PRDM16: variants seen among roughly 807,000 people sequenced by gnomAD.
The protein encoded by PRDM16 is histone-lysine N-methyltransferase PRDM16.
Under a neutral mutation model 110.6 loss-of-function variants are expected in PRDM16, and 23 were observed. The observed-to-expected ratio is 0.21, with a 90% confidence interval of 0.15 to 0.29. The LOEUF (loss-of-function observed/expected upper bound fraction) is 0.29, where lower values mean the gene tolerates loss of function less well. PRDM16 is among the 10% of genes least tolerant of loss of function. The pLI is 1.00. For synonymous variants in PRDM16, 799 were observed against 781.8 expected (o/e 1.02, Z -0.37); for missense variants, 1,615 against 1,794.3 (o/e 0.90, Z 1.81).
intron 1 of PRDM16, among the ~76,000 whole-genome samples, chr1:3,142,430 G>A (rs1643567710): frequency 6.6e-6 from 1 of 152,196 alleles, no homozygotes; most frequent in South Asian, 2.1e-4. Flanking sequence ...CCGACAGTGT[G>A]GTCCTCAGCT....
chr1:3,360,984 T>C (rs1337849996), intron 3 of PRDM16, among the ~76,000 whole-genome samples: 1 of 152,072 alleles, frequency 6.6e-6, no homozygotes, highest in East Asian at 1.9e-4. Context: ...TGCACTCTCG[T>C]TTTCTCGGCG....
chr1:3,181,964 CTTACACATGCA>C (rs1234962261), intron 1 of PRDM16, among the ~76,000 whole-genome samples: 1 of 151,988 alleles, frequency 6.6e-6, no homozygotes, highest in African/African-American at 2.4e-5. Context: ...TTACACATGC[CTTACACATGCA>C]GTCACATGCT....
chr1:3,251,488 CG>C (rs1639931599), intron 3 of PRDM16, among the ~76,000 whole-genome samples: 1 of 152,148 alleles, frequency 6.6e-6, no homozygotes. Flanking sequence ...GGGAACCCAG[CG>C]ACCAGGGTAG....
At chr1:3,314,588 C>A (rs1641553843) in intron 3 of PRDM16, among the ~76,000 whole-genome samples, 1 of 151,996 alleles carries the variant, frequency 6.6e-6, no homozygotes, top group Admixed American at 6.5e-5. Context: ...TCTCCTCTCT[C>A]TCCCCCCCTC....
At chr1:3,087,174 C>A (rs1557436139) in intron 1 of PRDM16, among the ~76,000 whole-genome samples, 1 of 149,032 alleles carries the variant, frequency 6.7e-6, no homozygotes, top group Non-Finnish European at 1.5e-5. Flanking sequence ...CTGGTCAGCC[C>A]CACCCGAGAC....
At chr1:3,126,474 C>G (rs1226777247) in intron 1 of PRDM16, among the ~76,000 whole-genome samples, 1 of 152,206 alleles carries the variant, frequency 6.6e-6, no homozygotes, top group South Asian at 2.1e-4. Flanking sequence ...TCCAGACAGC[C>G]CTCAACGAGG....
At chr1:3,177,626 G>A (rs1380264179) in intron 1 of PRDM16, among the ~76,000 whole-genome samples, 1 of 152,200 alleles carries the variant, frequency 6.6e-6, no homozygotes, top group Non-Finnish European at 1.5e-5. Context: ...CCCCAGGAGA[G>A]CGAGCCAACG....
chr1:3,195,429 A>G (rs1638450531), intron 2 of PRDM16, among the ~76,000 whole-genome samples: 1 of 152,196 alleles, frequency 6.6e-6, no homozygotes, highest in African/African-American at 2.4e-5. Flanking sequence ...CTTAAGGGGT[A>G]ATAACTCCGC....
chr1:3,131,807 C>T (rs2993504), intron 1 of PRDM16, among the ~76,000 whole-genome samples: 14,759 of 152,174 alleles, frequency 0.097, 1,792 homozygotes, highest in African/African-American at 0.28. Flanking sequence ...CCTGCAGTGA[C>T]GCTGCCCTGG....
At chr1:3,381,946 C>T (rs1159382772) in intron 3 of PRDM16, among the ~76,000 whole-genome samples, 2 of 152,240 alleles carry the variant, frequency 1.3e-5, no homozygotes, top group Admixed American at 6.5e-5. Context: ...ACAGTGACCT[C>T]CAACCCAGAC....
chr1:3,113,692 C>G (rs1003645005), intron 1 of PRDM16, among the ~76,000 whole-genome samples: 2 of 152,224 alleles, frequency 1.3e-5, no homozygotes, highest in African/African-American at 2.4e-5. Context: ...GGGTGGCTCC[C>G]CCTCAGAGCT....
At chr1:3,239,405 C>T (rs1427496547) in intron 2 of PRDM16, among the ~76,000 whole-genome samples, 1 of 152,022 alleles carries the variant, frequency 6.6e-6, no homozygotes, top group East Asian at 1.9e-4. Context: ...GCCCCTCGAC[C>T]CCACAGTCTC....
intron 4 of PRDM16, among the ~76,000 whole-genome samples, chr1:3,391,621 C>T (rs1243252669): frequency 2.0e-5 from 3 of 152,234 alleles, no homozygotes; most frequent in Admixed American, 2.0e-4. Context: ...CGGCATATCG[C>T]ACACCACACA....
At chr1:3,215,174 A>T (rs56090715) in intron 2 of PRDM16, among the ~76,000 whole-genome samples, 15,682 of 152,236 alleles carry the variant, frequency 0.1, 956 homozygotes, top group African/African-American at 0.16. Context: ...TATCAGAACC[A>T]AAAGGACATC....
chr1:3,114,211 G>GCACACGAACA (rs1289046022), intron 1 of PRDM16, among the ~76,000 whole-genome samples: 1 of 47,018 alleles, frequency 2.1e-5, no homozygotes, highest in Non-Finnish European at 3.5e-5. Context: ...ACGCACACAC[G>GCACACGAACA]CACACGAACA....
chr1:3,078,619 C>T (rs927636628), intron 1 of PRDM16, among the ~76,000 whole-genome samples: 1 of 152,238 alleles, frequency 6.6e-6, no homozygotes, highest in African/African-American at 2.4e-5. Context: ...TGAGCCTCTG[C>T]CTCTCTCTTT....
At chr1:3,232,957 G>A (rs1404889507) in intron 2 of PRDM16, among the ~76,000 whole-genome samples, 2 of 152,202 alleles carry the variant, frequency 1.3e-5, no homozygotes, top group African/African-American at 2.4e-5. Context: ...CTTAATAAAC[G>A]AGGGATCAAT....
At position 3,359,890 on chromosome 1, in the gene PRDM16, G is replaced by C. The variant is rs1265242840; in HGVS notation, c.439-25262G>C. 6.6e-6 allele frequency among the ~76,000 whole-genome samples: 1 copy of C among 152,222 alleles called. No individual in the cohort carries two copies. The highest frequency in any genetic ancestry group is 1.9e-4 in the East Asian group (1 of 5,180). On this transcript the variant is annotated intron_variant, in intron 3 of 16. Transcript: ENST00000270722. The surrounding 1 kb of genome is among the most constrained non-coding windows in gnomAD (Gnocchi z 4.3). ...TGTGTTCCATGTGCAGGATCTCTTG[G>C]AAGACGGATGCCGTGTGCACGCAAA...
At position 3,412,066 on chromosome 1, in the gene PRDM16, G is replaced by T. The variant is rs778188314; in HGVS notation, c.1869G>T (p.Ser623=). Residue 623 remains serine, a synonymous_variant, in exon 9 of 17, where the codon TCG becomes TCT. Transcript: ENST00000270722. ...TGGACACGACCACGGGGACGGGCTC[G>T]GACCTGGACAGCGACGTGGACAGCG... ...TDLDTTTGTG[S]DLDSDVDSDP... The T allele has an allele frequency of 6.2e-7, 1 of 1,604,934 alleles. No homozygotes were observed. Among genetic ancestry groups the T allele is most frequent in the African/African-American group, 1.3e-5 (1 of 74,814 alleles).
Sources: allele counts gnomAD v4.1 joint callset (sites outside exome capture counted in the v4.1 genomes callset), GRCh38; gene constraint gnomAD v4.1.1; non-coding constraint Gnocchi (gnomAD v3.1); transcripts MANE v1.5; gene names NCBI Gene and HGNC (gene_info 2026-07-23, HGNC 2026-07-21).